PKN2: variants seen among roughly 807,000 people sequenced by gnomAD.
PKN2 encodes protein kinase N2.
In PKN2, 38 loss-of-function variants were observed where a neutral mutation model predicts 119.1. The observed-to-expected ratio is 0.32, with a 90% CI of 0.25 to 0.42. The LOEUF (loss-of-function observed/expected upper bound fraction) is 0.42, where lower values mean the gene tolerates loss of function less well. Among genes scored for constraint, PKN2 ranks in the 10% least tolerant of loss-of-function variants. PKN2 has a pLI of 1.00. For missense variants in PKN2, 850 were observed against 1,165.1 expected, an observed-to-expected ratio of 0.73 and a Z score of 3.94; for synonymous variants, 390 against 384.9, an observed-to-expected ratio of 1.01 and a Z score of -0.15.
At chr1:88,766,053 TC>T (rs1241557509) in intron 3 of PKN2, among the ~76,000 whole-genome samples, 2 of 152,094 alleles carry the variant, frequency 1.3e-5, no homozygotes, top group African/African-American at 4.8e-5. Flanking sequence ...CCTTAGATGA[TC>T]CCCCAGCCTT....
intron 2 of PKN2, among the ~76,000 whole-genome samples, chr1:88,746,256 A>C (rs1291545837): frequency 6.6e-6 from 1 of 152,170 alleles, no homozygotes; most frequent in Non-Finnish European, 1.5e-5. Flanking sequence ...GCAAAAGCAA[A>C]AATAGATAGA....
intron 8 of PKN2, among the ~76,000 whole-genome samples, 185 bp from the exon 9 acceptor site, chr1:88,804,206 G>T (rs115997304): frequency 0.012 from 1,777 of 152,270 alleles, 29 homozygotes; most frequent in African/African-American, 0.04. Flanking sequence ...GAATTAAAAT[G>T]TGTAAGTTTG....
intron 3 of PKN2, 37 bp downstream of exon 3, chr1:88,760,413 CATT>C (rs1424908111): frequency 8.7e-7 from 1 of 1,153,306 alleles, no homozygotes; most frequent in African/African-American, 1.6e-5. Context: ...TATAGTCAGT[CATT>C]ATTTGCAGAT....
At chr1:88,731,711 T>C (rs1293899930) in intron 1 of PKN2, among the ~76,000 whole-genome samples, 4 of 152,190 alleles carry the variant, frequency 2.6e-5, no homozygotes, top group African/African-American at 7.2e-5. Flanking sequence ...TCAGACTGTT[T>C]TATATTTCTG....
chr1:88,694,382 A>G (rs1172411752), intron 1 of PKN2, among the ~76,000 whole-genome samples: 4 of 152,154 alleles, frequency 2.6e-5, no homozygotes, highest in Non-Finnish European at 5.9e-5. Flanking sequence ...GTGTGTAGCC[A>G]TTTTACATGG....
rs1032182805 is a variant in PKN2 at position 88,684,317 on chromosome 1, G to T, written c.-264G>T. Reference sequence around the variant, plus strand: ...GGAGAGGCTTGAGGCGGCTCCTGGCGTCGCCCAGAGGGAGCGACTAGACGA... The same window carrying T: ...GGAGAGGCTTGAGGCGGCTCCTGGCTTCGCCCAGAGGGAGCGACTAGACGA... On this transcript the variant is annotated 5_prime_UTR_variant, in exon 1 of 22. Coordinates refer to ENST00000370521, the MANE Select transcript of PKN2 (RefSeq NM_006256.4). 2 of 400,404 alleles carry T rather than the reference G, an allele frequency of 5.0e-6. No individual in the cohort carries two copies. Among genetic ancestry groups the T allele is most frequent in the African/African-American group, 4.2e-5 (2 of 47,992 alleles). The allele number at this position is 400,404 out of a possible 1,614,324, so 24.8% of individuals were successfully genotyped here.
intron 1 of PKN2, among the ~76,000 whole-genome samples, chr1:88,713,974 G>GGATCCAGTTTCAGCTTTCTACATATGGC (rs1667342525): frequency 6.6e-6 from 1 of 152,154 alleles, no homozygotes; most frequent in Admixed American, 6.5e-5. Context: ...TGTAAGGAAG[G>GGATCCAGTTTCAGCTTTCTACATATGGC]GATCCAGTTT....
chr1:88,686,756 G>A (rs6428479), intron 1 of PKN2, among the ~76,000 whole-genome samples: 11,524 of 152,050 alleles, frequency 0.076, 912 homozygotes, highest in African/African-American at 0.21. Flanking sequence ...CATCTATTCA[G>A]ACTTTTTATT....
At chr1:88,820,622 A>G (rs1672241444) in intron 16 of PKN2, among the ~76,000 whole-genome samples, 2 of 152,168 alleles carry the variant, frequency 1.3e-5, no homozygotes. Context: ...TATATTATCT[A>G]CATGTGAATG....
chr1:88,741,083 C>G lies in PKN2; in HGVS notation c.144C>G (p.Ile48Met). Residue 48 changes from isoleucine (I) to methionine (M), a missense_variant, in exon 2 of 22, where the codon ATC becomes ATG. Transcript: ENST00000370521. ...DTMVQQKLDD[I>M]KDRIKREIRK... Reference sequence around the variant, plus strand: ...TGGTGCAGCAGAAATTGGATGATATCAAGGATCGAATTAAGAGAGAAATAA... The same window carrying G: ...TGGTGCAGCAGAAATTGGATGATATGAAGGATCGAATTAAGAGAGAAATAA... 1.2e-6 allele frequency: 2 copies of G among 1,609,710 alleles called. No individual in the cohort carries two copies. Among genetic ancestry groups the G allele is most frequent in the Non-Finnish European group, 1.7e-6 (2 of 1,178,004 alleles).
intron 1 of PKN2, among the ~76,000 whole-genome samples, chr1:88,714,101 G>A (rs1338316724): frequency 6.6e-6 from 1 of 152,118 alleles, no homozygotes; most frequent in Non-Finnish European, 1.5e-5. Flanking sequence ...TAGATGGGTG[G>A]TATTATTTCT....
chr1:88,721,310 G>T (rs1667670513), intron 1 of PKN2, among the ~76,000 whole-genome samples: 1 of 151,684 alleles, frequency 6.6e-6, no homozygotes, highest in Non-Finnish European at 1.5e-5. Context: ...TTAAAATTAT[G>T]GCCATTCTTG....
intron 1 of PKN2, among the ~76,000 whole-genome samples, chr1:88,708,075 C>T (rs1399200166): frequency 6.6e-6 from 1 of 152,130 alleles, no homozygotes; most frequent in African/African-American, 2.4e-5. Flanking sequence ...AACACTAATG[C>T]AGATTGTTAA....
chr1:88,792,137 G>A (rs1670866731), intron 8 of PKN2, among the ~76,000 whole-genome samples: 1 of 152,158 alleles, frequency 6.6e-6, no homozygotes, highest in Admixed American at 6.5e-5. Flanking sequence ...GGGTGCGTTG[G>A]CTCACGCCTG....
chr1:88,747,257 G>T (rs1042047594), intron 2 of PKN2, among the ~76,000 whole-genome samples: 1 of 152,048 alleles, frequency 6.6e-6, no homozygotes, highest in African/African-American at 2.4e-5. Context: ...CTAAAAGAAA[G>T]GTTGTTAAAT....
At chr1:88,786,266 G>T in intron 8 of PKN2, 53 bp downstream of exon 8, 1 of 921,622 alleles carries the variant, frequency 1.1e-6, no homozygotes, top group Non-Finnish European at 1.7e-6. Context: ...TTTTAAATGT[G>T]AGTTATATTT....
At chr1:88,724,882 GTTTTTT>G (rs60507382) in intron 1 of PKN2, among the ~76,000 whole-genome samples, 2 of 106,012 alleles carry the variant, frequency 1.9e-5, no homozygotes, top group African/African-American at 8.5e-5. Context: ...CCACCCCTTG[GTTTTTT>G]TTTTTTTTTT....
intron 1 of PKN2, among the ~76,000 whole-genome samples, chr1:88,698,783 A>G (rs56023055): frequency 0.091 from 13,866 of 152,208 alleles, 1,473 homozygotes; most frequent in African/African-American, 0.26. Flanking sequence ...TTTAGACCAT[A>G]TGCATTAACC....
At chr1:88,789,691 T>TAACAACAAC (rs1553155765) in intron 8 of PKN2, among the ~76,000 whole-genome samples, 5 of 123,234 alleles carry the variant, frequency 4.1e-5, no homozygotes, top group African/African-American at 1.5e-4. Flanking sequence ...ATAATAATAA[T>TAACAACAAC]AACAACAACA....
Sources: gnomAD v4.1 joint callset for allele counts (sites outside exome capture counted in the v4.1 genomes callset) on GRCh38, gnomAD v4.1.1 for gene constraint, MANE v1.5 for transcripts, NCBI Gene and HGNC (gene_info 2026-07-23, HGNC 2026-07-21) for gene names.